The following ALOXE3 variants were observed in gnomAD, a reference collection of about 807,000 sequenced individuals.
ALOXE3 encodes hydroperoxide isomerase ALOXE3.
ALOXE3 carries 78 observed loss-of-function variants against 87.5 expected under a neutral mutation model. That is an observed-to-expected ratio of 0.89 (90% CI 0.74 to 1.08). The LOEUF is 1.08. ALOXE3 is among the 50% of genes least tolerant of loss of function. ALOXE3 has a pLI of 0.00. For missense variants in ALOXE3, 946 were observed against 912.4 expected (o/e 1.04, Z -0.47); for synonymous variants, 363 against 370.8 (o/e 0.98, Z 0.24).
intron 15 of ALOXE3, 70 bp from the exon 16 acceptor site, chr17:8,096,876 T>C (rs1598190739): frequency 1.3e-6 from 2 of 1,551,718 alleles, no homozygotes; most frequent in Non-Finnish European, 8.9e-7. Context: ...GGACCACATG[T>C]AACAGCAAAT....
At position 8,118,204 on chromosome 17, in the gene ALOXE3, C is replaced by T; in HGVS notation, c.-214G>A. 1.3e-6 allele frequency: 2 copies of T among 1,551,638 alleles called. No homozygotes were observed. Among genetic ancestry groups the T allele is most frequent in the Non-Finnish European group, 1.7e-6 (2 of 1,146,990 alleles). ...TGCTGGCGGCTCGGGCTTCCTCTCT[C>T]CGCCCACAGTCTTGCACTCTAATAC... On this transcript the variant is annotated 5_prime_UTR_variant, in exon 2 of 16. Transcript: ENST00000448843.
At chr17:8,107,875 A>AAGAAAGAAAGAAAGAAAGAAAG (rs1979502634) in intron 13 of ALOXE3, among the ~76,000 whole-genome samples, 1 of 3,456 alleles carries the variant, frequency 2.9e-4, no homozygotes, top group Non-Finnish European at 7.9e-4. Context: ...GAAAGAAAGA[A>AAGAAAGAAAGAAAGAAAGAAAG]AGAAAGAAAG....
chr17:8,106,477 T>TGA (rs1329735778), intron 13 of ALOXE3, among the ~76,000 whole-genome samples: 4 of 151,860 alleles, frequency 2.6e-5, no homozygotes, highest in Non-Finnish European at 5.9e-5. Context: ...CCCAGGAGTT[T>TGA]GAGACCAGCC....
chr17:8,108,344 A>T, intron 13 of ALOXE3, 124 bp downstream of exon 13: 1 of 1,401,118 alleles, frequency 7.1e-7, no homozygotes, highest in Non-Finnish European at 9.6e-7. Context: ...CATATCTGCT[A>T]GTTGGGGATA....
chr17:8,109,367 T>C (rs1342028905), intron 11 of ALOXE3, 24 bp from the exon 12 acceptor site: 12 of 1,610,536 alleles, frequency 7.5e-6, no homozygotes, highest in East Asian at 2.2e-5. Flanking sequence ...ACAGCTCGGC[T>C]CCCGGGCCGG....
rs539612850 is a variant in ALOXE3 at position 8,110,559 on chromosome 17, C to G, written c.958-31G>C. On this transcript the variant is annotated intron_variant, in intron 8 of 15. Coordinates refer to ENST00000448843, the MANE Select transcript of ALOXE3 (RefSeq NM_021628.3). ...GAAGGCACACAGAGGCTGAGTGTCC[C>G]TCCCTACTCGCGCTCCACTTCCCTC... 8 of 1,613,302 alleles carry G rather than the reference C, an allele frequency of 5.0e-6. No homozygotes were observed. In the African/African-American group the frequency reaches 9.3e-5, roughly 19 times the overall value.
chr17:8,116,887 A>G lies in ALOXE3; in HGVS notation c.241T>C (p.Ser81Pro). Residue 81 changes from serine (S) to proline (P), a missense_variant, in exon 3 of 16, where the codon TCT (serine) becomes CCT (proline). By Grantham distance (74) the Ser-to-Pro change is moderately conservative. Coordinates refer to ENST00000448843, the MANE Select transcript of ALOXE3 (RefSeq NM_021628.3). ...ACACAGATGCGGCTACAGTACCAAG[A>G]GTCCTTGCGGAAGAAAGCGTAGCGC... Reference protein sequence around the residue: ...KERYAFFRKDSWYCSRICVTE... With the variant: ...KERYAFFRKDPWYCSRICVTE... The G allele has an allele frequency of 6.2e-7, 1 of 1,614,252 alleles. No homozygotes were observed. Among genetic ancestry groups the G allele is most frequent in the Non-Finnish European group, 8.5e-7 (1 of 1,180,046 alleles).
intron 13 of ALOXE3, among the ~76,000 whole-genome samples, 192 bp from the exon 14 acceptor site, chr17:8,104,407 TG>T (rs1362487329): frequency 6.6e-6 from 1 of 151,914 alleles, no homozygotes; most frequent in Non-Finnish European, 1.5e-5. Flanking sequence ...GGATAGGAGA[TG>T]GGGGCTGGGA....
chr17:8,106,760 G>A (rs1979344286), intron 13 of ALOXE3, among the ~76,000 whole-genome samples: 2 of 152,136 alleles, frequency 1.3e-5, no homozygotes, highest in South Asian at 4.1e-4. Flanking sequence ...GGGAGGTGGA[G>A]GTTAACTTGT....
At position 8,108,064 on chromosome 17, in the gene ALOXE3, A is replaced by AAAGG. The variant is rs1028235811; in HGVS notation, c.1684+400_1684+403dup. Among the ~76,000 whole-genome samples the AAAGG allele has an allele frequency of 1.2e-4, 18 of 149,450 alleles. 1 individual carries two copies. The highest frequency in any genetic ancestry group is 3.4e-3 in the Middle Eastern group (1 of 292). Reference sequence around the variant, plus strand: ...GAAAGAAAGAAAGAAAGAAAGAAAGAAAGGAAGAGAGGTTGGTGGCTGGAG... The same window carrying AAAGG: ...GAAAGAAAGAAAGAAAGAAAGAAAGAAAGGAAGGAAGAGAGGTTGGTGGCTGGAG... On this transcript the variant is annotated intron_variant, in intron 13 of 15. Transcript: ENST00000448843.
intron 15 of ALOXE3, among the ~76,000 whole-genome samples, chr17:8,100,524 G>A (rs732966): frequency 0.49 from 73,998 of 152,044 alleles, 18,631 homozygotes; most frequent in East Asian, 0.78. Flanking sequence ...AAATATGTCT[G>A]TAGTTTTTTT....
chr17:8,118,206 G>T lies in ALOXE3; in HGVS notation c.-216C>A. ...CTGGCGGCTCGGGCTTCCTCTCTCCGCCCACAGTCTTGCACTCTAATACTT... is the reference window on the plus strand; with the variant it reads ...CTGGCGGCTCGGGCTTCCTCTCTCCTCCCACAGTCTTGCACTCTAATACTT... On this transcript the variant is annotated 5_prime_UTR_variant, in exon 2 of 16. Coordinates refer to ENST00000448843, the MANE Select transcript of ALOXE3 (RefSeq NM_021628.3). 1 of 1,551,502 alleles carries T rather than the reference G, an allele frequency of 6.4e-7. No individual in the cohort carries two copies. Among genetic ancestry groups the T allele is most frequent in the Non-Finnish European group, 8.7e-7 (1 of 1,146,968 alleles).
intron 15 of ALOXE3, among the ~76,000 whole-genome samples, chr17:8,100,539 TA>T (rs1316279663): frequency 6.6e-6 from 1 of 152,268 alleles, no homozygotes; most frequent in Admixed American, 6.5e-5. Flanking sequence ...TTTTTTATTT[TA>T]TTGTATTGTG....
intron 6 of ALOXE3, among the ~76,000 whole-genome samples, chr17:8,114,003 C>A (rs903690315): frequency 6.9e-6 from 1 of 144,812 alleles, no homozygotes; most frequent in Admixed American, 7.1e-5. Context: ...CCAGCCTGGG[C>A]GACAGGAGTG....
In ALOXE3 at chr17:8,114,615, G is replaced by A. The variant is rs1463994076; in HGVS notation, c.555-6C>T. 4.3e-6 allele frequency: 7 copies of A among 1,613,838 alleles called. No homozygotes were observed. Among genetic ancestry groups the A allele is most frequent in the African/African-American group, 1.3e-5 (1 of 74,852 alleles). ...GCAGGTACCGATTCCCACTGCTGGG[G>A]GTCGGGGGAGTAGAAAGACAGAAAC... On this transcript the variant is annotated splice_polypyrimidine_tract_variant and splice_region_variant and intron_variant, in intron 5 of 15. Transcript: ENST00000448843.
intron 6 of ALOXE3, 24 bp from the exon 7 acceptor site, chr17:8,112,220 G>A (rs745784757): frequency 1.9e-6 from 3 of 1,576,308 alleles, no homozygotes; most frequent in African/African-American, 2.7e-5. Context: ...AAAAGATGAG[G>A]GTGAGGTCTG....
chr17:8,115,798 T>C, intron 3 of ALOXE3, 110 bp from the exon 4 acceptor site: 1 of 1,082,680 alleles, frequency 9.2e-7, no homozygotes, highest in Non-Finnish European at 1.4e-6. Context: ...GCCACATCCC[T>C]GTGAAACACG....
chr17:8,110,339 G>C, intron 9 of ALOXE3, 44 bp from the exon 10 acceptor site: 2 of 1,610,104 alleles, frequency 1.2e-6, no homozygotes, highest in Non-Finnish European at 8.5e-7. Context: ...CCGGGCTGGC[G>C]GTTAGCACCT....
At chr17:8,109,800 T>C (rs1979863572) in intron 11 of ALOXE3, 116 bp downstream of exon 11, 1 of 1,070,696 alleles carries the variant, frequency 9.3e-7, no homozygotes, top group Non-Finnish European at 1.3e-6. Flanking sequence ...GTACAGGTGT[T>C]CTCACACCCC....
Sources: gnomAD v4.1 joint callset for allele counts (sites outside exome capture counted in the v4.1 genomes callset) on GRCh38, gnomAD v4.1.1 for gene constraint, MANE v1.5 for transcripts, NCBI Gene and HGNC (gene_info 2026-07-23, HGNC 2026-07-21) for gene names.